Variants in PSME4 observed in about 807,000 individuals in gnomAD.
PSME4 encodes the protein proteasome activator subunit 4, also known as proteasome activator complex subunit 4.
Under a neutral mutation model 253.9 loss-of-function variants are expected in PSME4, and 89 were observed. The observed-to-expected ratio is 0.35, with a 90% CI of 0.30 to 0.42. The LOEUF (loss-of-function observed/expected upper bound fraction) is 0.42. PSME4 is among the 10% of genes least tolerant of loss of function. The pLI, the probability that PSME4 is intolerant of heterozygous loss-of-function variation, is 1.00. For synonymous variants in PSME4, 851 were observed against 759.2 expected (o/e 1.12, Z -1.99); for missense variants, 2,014 against 2,195.2 (o/e 0.92, Z 1.65).
intron 1 of PSME4, among the ~76,000 whole-genome samples, chr2:53,960,873 C>T (rs1324055053): frequency 6.6e-6 from 1 of 152,136 alleles, no homozygotes; most frequent in Non-Finnish European, 1.5e-5. Context: ...TCTGGGAGGC[C>T]AAGGCAGGCG....
At chr2:53,968,690 T>G (rs999929356) in intron 1 of PSME4, among the ~76,000 whole-genome samples, 1 of 152,250 alleles carries the variant, frequency 6.6e-6, no homozygotes, top group Non-Finnish European at 1.5e-5. Context: ...TGCTGGTTAT[T>G]TAGCTATAAA....
chr2:53,916,241 C>CAAA (rs10685516), intron 20 of PSME4, among the ~76,000 whole-genome samples: 12,154 of 103,788 alleles, frequency 0.12, 1,723 homozygotes, highest in African/African-American at 0.31. Flanking sequence ...GACTCTGTCT[C>CAAA]AAAAAAAAAA....
Position 53,878,372 on chromosome 2 carries a change from T to C in PSME4, c.4816-2617A>G, listed in dbSNP as rs184827151. On this transcript the variant is annotated intron_variant, in intron 41 of 46. Transcript: ENST00000404125. The stretch of plus-strand genomic sequence containing the variant: ...GAGGATGAATGTCGCCTCAGGACCC[T>C]GTGATAATTGTGTTAATTGCACAAA... Among the ~76,000 whole-genome samples, 46 of 152,324 alleles carry C rather than the reference T, an allele frequency of 3.0e-4. 1 individual carries two copies. In the East Asian group the frequency reaches 8.7e-3, roughly 29 times the overall value.
intron 30 of PSME4, 36 bp downstream of exon 30, chr2:53,898,265 A>G: frequency 6.4e-7 from 1 of 1,568,918 alleles, no homozygotes; most frequent in Non-Finnish European, 8.7e-7. Flanking sequence ...ATTTATGAAA[A>G]ATGCTGTGAG....
chr2:53,885,549 T>C (rs2104421874), intron 41 of PSME4, 141 bp downstream of exon 41: 2 of 571,484 alleles, frequency 3.5e-6, no homozygotes, highest in East Asian at 5.8e-5. Flanking sequence ...TATCACCTAA[T>C]GATTTTCCTG....
At chr2:53,898,143 A>C in intron 30 of PSME4, 144 bp from the exon 31 acceptor site, 7 of 1,179,722 alleles carry the variant, frequency 5.9e-6, no homozygotes, top group Non-Finnish European at 8.3e-6. Flanking sequence ...CATTAATCCC[A>C]AACTTTCCCT....
chr2:53,877,702 C>CAA (rs926476445), intron 41 of PSME4, among the ~76,000 whole-genome samples: 7 of 152,082 alleles, frequency 4.6e-5, no homozygotes, highest in Non-Finnish European at 7.4e-5. Context: ...GGACCAAAGA[C>CAA]AGACAGGCCA....
intron 42 of PSME4, 142 bp from the exon 43 acceptor site, chr2:53,874,636 G>A (rs970144136): frequency 2.2e-5 from 19 of 881,458 alleles, no homozygotes; most frequent in Admixed American, 2.9e-5. Flanking sequence ...CTCATATTTC[G>A]TTATAAATAA....
chr2:53,912,671 G>A (rs566957972), intron 20 of PSME4, among the ~76,000 whole-genome samples: 6 of 152,064 alleles, frequency 3.9e-5, no homozygotes, highest in Non-Finnish European at 5.9e-5. Flanking sequence ...TCGCTATGGT[G>A]CCCAAGCTGG....
intron 1 of PSME4, among the ~76,000 whole-genome samples, chr2:53,962,958 C>T (rs1462902893): frequency 7.3e-5 from 11 of 150,750 alleles, no homozygotes; most frequent in Admixed American, 4.0e-4. Flanking sequence ...TGCAGTGAGC[C>T]GAGATCGCGC....
Position 53,869,414 on chromosome 2 carries a change from C to G in PSME4, c.5225G>C (p.Arg1742Pro). Reference sequence around the variant, plus strand: ...GGTATCTCCTACAGAACCAGGGTCTCGCTTTCTTTTCTTAGGTAGTTTTGT... The same window carrying G: ...GGTATCTCCTACAGAACCAGGGTCTGGCTTTCTTTTCTTAGGTAGTTTTGT... Reference protein sequence around the residue: ...CKTKLPKKRKRDPGSVGDTIP... With the variant: ...CKTKLPKKRKPDPGSVGDTIP... The change falls in exon 44 of 47, where the codon CGA (arginine) becomes CCA (proline). Residue 1742 changes from arginine (R) to proline (P), a missense_variant. This residue lies in a region of PSME4 where 403 missense variants were observed against 556.1 expected (regional missense o/e 0.72). Coordinates refer to ENST00000404125, the MANE Select transcript of PSME4 (RefSeq NM_014614.3). The G allele has an allele frequency of 1.9e-6, 3 of 1,610,486 alleles. No individual in the cohort carries two copies. Among genetic ancestry groups the G allele is most frequent in the Non-Finnish European group, 2.5e-6 (3 of 1,177,552 alleles).
At chr2:53,940,558 A>C (rs1200813131) in intron 3 of PSME4, among the ~76,000 whole-genome samples, 2 of 152,118 alleles carry the variant, frequency 1.3e-5, no homozygotes, top group Non-Finnish European at 2.9e-5. Flanking sequence ...AACTTACTTT[A>C]CAACATGTAG....
Position 53,908,829 on chromosome 2 carries a change from C to T in PSME4, c.2584G>A (p.Glu862Lys). ...YTGLEYDLSR[E>K]NHREVIATVI... Reference sequence around the variant, plus strand: ...GTAGCAATTACTTCTCGGTGGTTCTCTCGAGACAGATCTATTTTGAAAAAA... The same window carrying T: ...GTAGCAATTACTTCTCGGTGGTTCTTTCGAGACAGATCTATTTTGAAAAAA... Residue 862 changes from glutamate (E) to lysine (K), a missense_variant, in exon 22 of 47, where the codon GAG (glutamate) becomes AAG (lysine). Physicochemically the swap from Glu to Lys is moderately conservative, Grantham distance 56. This residue lies in a region of PSME4 where 989 missense variants were observed against 1,021.1 expected (regional missense o/e 0.97). Coordinates refer to ENST00000404125, the MANE Select transcript of PSME4 (RefSeq NM_014614.3). 1 of 1,600,118 alleles carries T rather than the reference C, an allele frequency of 6.2e-7. No homozygotes were observed.
At chr2:53,919,267 T>C in intron 19 of PSME4, 21 bp from the exon 20 acceptor site, 1 of 1,555,884 alleles carries the variant, frequency 6.4e-7, no homozygotes, top group Non-Finnish European at 8.6e-7. Flanking sequence ...AAAAAAGACA[T>C]TTTCATATTT....
chr2:53,944,391 C>T (rs1274076330), intron 3 of PSME4, among the ~76,000 whole-genome samples: 2 of 152,132 alleles, frequency 1.3e-5, no homozygotes, highest in African/African-American at 4.8e-5. Context: ...AACTCCCGAC[C>T]TCAGATGATC....
chr2:53,948,289 A>C lies in PSME4; in HGVS notation c.500+132T>G. On this transcript the variant is annotated intron_variant, in intron 3 of 46. Transcript: ENST00000404125. ...AGGGCAATGAATTGTTTCAGGAGTCAAATTACACAGAAATAGGCACATTAA... is the reference window on the plus strand; with the variant it reads ...AGGGCAATGAATTGTTTCAGGAGTCCAATTACACAGAAATAGGCACATTAA... 7.4e-6 allele frequency: 5 copies of C among 677,076 alleles called. No homozygotes were observed. The South Asian group carries it at 9.0e-5, about 12-fold the overall frequency. 41.9% of individuals were successfully genotyped at this position (677,076 alleles called of 1,614,324 possible). A position where few individuals can be genotyped will look rare whatever the true frequency, so the allele number is the denominator to read the frequency against.
intron 29 of PSME4, among the ~76,000 whole-genome samples, chr2:53,898,708 A>G (rs1300307662): frequency 6.6e-6 from 1 of 152,004 alleles, no homozygotes; most frequent in Non-Finnish European, 1.5e-5. Context: ...TAGGTAGGCT[A>G]TAAGAGTTTA....
In PSME4 at chr2:53,936,925, T is replaced by A; in HGVS notation, c.696-98A>T. 3 of 741,180 alleles carry A rather than the reference T, an allele frequency of 4.0e-6. No individual in the cohort carries two copies. In the South Asian group the frequency reaches 6.5e-5, roughly 16 times the overall value. 45.9% of individuals were successfully genotyped at this position (741,180 alleles called of 1,614,324 possible). On this transcript the variant is annotated intron_variant, in intron 5 of 46. Coordinates refer to ENST00000404125, the MANE Select transcript of PSME4 (RefSeq NM_014614.3). ...TTTTATAATCTATTATTCTTACTGA[T>A]AACTACGTTAACTAGAAAAAACAAT...
chr2:53,899,817 C>CAA, intron 29 of PSME4, 64 bp downstream of exon 29: 1 of 1,562,538 alleles, frequency 6.4e-7, no homozygotes, highest in Non-Finnish European at 8.7e-7. Flanking sequence ...GACTCTGTCT[C>CAA]AAAAAAAAGC....
Sources: allele counts gnomAD v4.1 joint callset (sites outside exome capture counted in the v4.1 genomes callset), GRCh38; gene constraint gnomAD v4.1.1; regional missense constraint gnomAD v4.1.1; transcripts MANE v1.5; gene names NCBI Gene and HGNC (gene_info 2026-07-23, HGNC 2026-07-21).